Variants in CALN1 observed in about 807,000 individuals in gnomAD.
CALN1 encodes calcium-binding protein 8.
A neutral mutation model predicts 30.6 loss-of-function variants in CALN1; 17 were observed. That is an observed-to-expected ratio of 0.56 (90% CI 0.38 to 0.83). The LOEUF (loss-of-function observed/expected upper bound fraction) is 0.83. Ranked by LOEUF, CALN1 falls within the 40% of genes least tolerant of loss-of-function variation. CALN1 has a pLI of 0.00. For synonymous variants in CALN1, 156 were observed against 131.4 expected (o/e 1.19, Z -1.28); for missense variants, 291 against 354.9 (o/e 0.82, Z 1.45).
chr7:72,388,164 G>A (rs1805355569), intron 2 of CALN1, among the ~76,000 whole-genome samples: 1 of 152,126 alleles, frequency 6.6e-6, no homozygotes, highest in Non-Finnish European at 1.5e-5. Context: ...TGATGAATAT[G>A]CTAATTACCC....
intron 5 of CALN1, among the ~76,000 whole-genome samples, chr7:71,851,412 G>A (rs1790640169): frequency 6.6e-6 from 1 of 151,638 alleles, no homozygotes; most frequent in South Asian, 2.1e-4. Flanking sequence ...CCAGCTATTC[G>A]GGAGGCTGAG....
chr7:72,145,054 T>G (rs1020823239), intron 3 of CALN1, among the ~76,000 whole-genome samples: 1 of 151,878 alleles, frequency 6.6e-6, no homozygotes, highest in African/African-American at 2.4e-5. Context: ...ACATCACAAT[T>G]AAAAGAACTA....
intron 2 of CALN1, among the ~76,000 whole-genome samples, chr7:72,370,160 A>T (rs1804140005): frequency 6.6e-6 from 1 of 152,214 alleles, no homozygotes; most frequent in South Asian, 2.1e-4. Context: ...CAGACATTTT[A>T]AAAAGTATGT....
At chr7:72,205,567 T>TACAC (rs1562733737) in intron 3 of CALN1, among the ~76,000 whole-genome samples, 10 of 118,168 alleles carry the variant, frequency 8.5e-5, no homozygotes, top group African/African-American at 2.9e-4. Flanking sequence ...TATATATATA[T>TACAC]GTATATATAT....
rs1341333672 is a variant in CALN1, at chr7:72,412,159, G to A, written c.-175C>T. The A allele has an allele frequency of 2.0e-5, 3 of 152,636 alleles. No homozygotes were observed. The highest frequency in any genetic ancestry group is 4.4e-5 in the Non-Finnish European group (3 of 68,226). The allele number at this position is 152,636 out of a possible 1,614,324, so 9.5% of individuals were successfully genotyped here. ...GAGTGTTACAGCTCTTAAAGATGGC[G>A]CGTCCGGAGTCGTCTGCTCCTCCCG... On this transcript the variant is annotated 5_prime_UTR_variant, in exon 1 of 7. Transcript: ENST00000395275.
chr7:72,491,340 G>A, the CALN1 span, among the ~76,000 whole-genome samples: 15 of 152,018 alleles, frequency 9.9e-5, no homozygotes, highest in African/African-American at 1.7e-4. Flanking sequence ...AGACTGAGGC[G>A]GGAAGATCAG....
rs1229574352 is a variant in CALN1 at position 72,121,754 on chromosome 7, G to T, written c.245-15460C>A. 2.7e-5 allele frequency among the ~76,000 whole-genome samples: 4 copies of T among 148,112 alleles called. No homozygotes were observed. The South Asian group carries it at 8.4e-4, about 31-fold the overall frequency. ...TAAAAATGTTTTGATTACTATAAAG[G>T]TTTTATCATAATGATTATTATAAAT... On this transcript the variant is annotated intron_variant, in intron 3 of 6. Transcript: ENST00000395275.
rs144850678 is a variant in CALN1, at chr7:72,376,513, T to C, written c.119+26738A>G. 3.2e-3 allele frequency among the ~76,000 whole-genome samples: 482 copies of C among 152,370 alleles called. 3 individuals are homozygous for C. Among genetic ancestry groups the C allele is most frequent in the Non-Finnish European group, 4.9e-3 (332 of 68,026 alleles). ...CTTACTGACTACTTGTGTATCTTCTTTGGAGAAATATCTACTCTAATTATT... is the reference window on the plus strand; with the variant it reads ...CTTACTGACTACTTGTGTATCTTCTCTGGAGAAATATCTACTCTAATTATT... On this transcript the variant is annotated intron_variant, in intron 2 of 6. Transcript: ENST00000395275.
intron 5 of CALN1, among the ~76,000 whole-genome samples, chr7:71,863,256 C>A (rs925572122): frequency 2.0e-4 from 30 of 151,408 alleles, no homozygotes; most frequent in African/African-American, 7.0e-4. Flanking sequence ...GAGACCCTCT[C>A]TCTCTCTCTC....
chr7:72,342,594 G>C (rs183172020), intron 2 of CALN1, among the ~76,000 whole-genome samples: 2 of 152,242 alleles, frequency 1.3e-5, no homozygotes, highest in East Asian at 3.9e-4. Context: ...ACCTAGAATA[G>C]TACAGCCCTC....
intron 2 of CALN1, among the ~76,000 whole-genome samples, chr7:72,374,935 C>T (rs1804465676): frequency 1.3e-5 from 2 of 152,008 alleles, no homozygotes; most frequent in South Asian, 2.1e-4. Flanking sequence ...TACATTCAAG[C>T]GCTTTTTACA....
At chr7:72,322,436 C>T (rs1030177931) in intron 2 of CALN1, among the ~76,000 whole-genome samples, 2 of 152,166 alleles carry the variant, frequency 1.3e-5, no homozygotes, top group African/African-American at 4.8e-5. Flanking sequence ...CCAGTCAGTA[C>T]CCATCCATGG....
Position 71,780,267 on chromosome 7 carries a change from G to A in CALN1, c.*7508C>T, listed in dbSNP as rs971132158. ...GGAGAGAGTTGAGAGCCACTGGCTTGTGCAACTCTCCACCAGGAGCTGACA... is the reference window on the plus strand; with the variant it reads ...GGAGAGAGTTGAGAGCCACTGGCTTATGCAACTCTCCACCAGGAGCTGACA... On this transcript the variant is annotated 3_prime_UTR_variant, in exon 7 of 7. Transcript: ENST00000395275. 8 of 152,170 alleles carry A rather than the reference G, an allele frequency of 5.3e-5. No homozygotes were observed. Among genetic ancestry groups the A allele is most frequent in the African/African-American group, 1.9e-4 (8 of 41,458 alleles). 9.4% of individuals were successfully genotyped at this position (152,170 alleles called of 1,614,324 possible).
intron 3 of CALN1, among the ~76,000 whole-genome samples, chr7:72,267,988 C>G (rs1372506725): frequency 6.6e-6 from 1 of 152,114 alleles, no homozygotes; most frequent in Non-Finnish European, 1.5e-5. Context: ...GCCGGGGCAA[C>G]AGAATGACAG....
intron 3 of CALN1, among the ~76,000 whole-genome samples, chr7:72,132,486 T>C (rs1165841648): frequency 1.3e-5 from 2 of 152,184 alleles, no homozygotes; most frequent in African/African-American, 4.8e-5. Context: ...AGTTAGTTCA[T>C]TTTCATTACT....
intron 5 of CALN1, among the ~76,000 whole-genome samples, chr7:71,821,735 T>A (rs2116323648): frequency 6.6e-6 from 1 of 152,264 alleles, no homozygotes; most frequent in South Asian, 2.1e-4. Context: ...TATTTTTGTA[T>A]CAGTACAGCT....
chr7:72,464,615 A>G, the CALN1 span, among the ~76,000 whole-genome samples: 25 of 152,270 alleles, frequency 1.6e-4, no homozygotes, highest in African/African-American at 6.0e-4. Flanking sequence ...ACCTAAGATC[A>G]TACATTGAAC....
intron 5 of CALN1, among the ~76,000 whole-genome samples, chr7:71,995,002 G>A (rs1011865278): frequency 3.3e-5 from 5 of 152,048 alleles, no homozygotes; most frequent in Non-Finnish European, 7.4e-5. Flanking sequence ...ACAGGCGCCC[G>A]CCACCACACC....
chr7:72,071,523 A>C (rs1804394586), intron 4 of CALN1, among the ~76,000 whole-genome samples: 1 of 152,240 alleles, frequency 6.6e-6, no homozygotes. Flanking sequence ...ATGCATATCC[A>C]TGAAAAGGTG....
Sources: allele counts gnomAD v4.1 joint callset (sites outside exome capture counted in the v4.1 genomes callset), GRCh38; gene constraint gnomAD v4.1.1; transcripts MANE v1.5; gene names NCBI Gene and HGNC (gene_info 2026-07-23, HGNC 2026-07-21).